MOB3B: variants seen among roughly 807,000 people sequenced by gnomAD.
MOB3B encodes MOB kinase activator 3B.
A neutral mutation model predicts 18.7 loss-of-function variants in MOB3B; 7 were observed. That is an observed-to-expected ratio of 0.37 (90% CI 0.21 to 0.70). MOB3B has a LOEUF of 0.70. Among genes scored for constraint, MOB3B ranks in the 30% least tolerant of loss-of-function variants. The probability of loss-of-function intolerance (pLI) is 0.52; values close to 1 mark genes in which losing one functional copy is unlikely to be tolerated. For synonymous variants in MOB3B, 111 were observed against 99.9 expected, an observed-to-expected ratio of 1.11 and a Z score of -0.66; for missense variants, 253 against 281.3, an observed-to-expected ratio of 0.90 and a Z score of 0.72.
At chr9:27,472,775 A>AGGT (rs1289473416) in intron 1 of MOB3B, among the ~76,000 whole-genome samples, 2 of 151,384 alleles carry the variant, frequency 1.3e-5, no homozygotes, top group Non-Finnish European at 3.0e-5. Context: ...TTTTGGAAAA[A>AGGT]GGTGGTGGAG....
intron 2 of MOB3B, among the ~76,000 whole-genome samples, chr9:27,363,840 C>T (rs1459002276): frequency 6.6e-6 from 1 of 152,162 alleles, no homozygotes; most frequent in Admixed American, 6.5e-5. Context: ...CTCCTGGGCC[C>T]AAGCAATCCT....
intron 3 of MOB3B, among the ~76,000 whole-genome samples, chr9:27,334,236 T>C (rs114121637): frequency 0.013 from 1,905 of 152,326 alleles, 21 homozygotes; most frequent in African/African-American, 0.044. Context: ...TCCAACATGA[T>C]AAATTTATCT....
chr9:27,377,458 T>A (rs1421026390), intron 2 of MOB3B, among the ~76,000 whole-genome samples: 1 of 150,786 alleles, frequency 6.6e-6, no homozygotes, highest in East Asian at 2.0e-4. Context: ...CTGCCAGGGG[T>A]GGGAGGAAGG....
chr9:27,450,466 T>C (rs1822766695), intron 2 of MOB3B, among the ~76,000 whole-genome samples: 1 of 152,102 alleles, frequency 6.6e-6, no homozygotes, highest in African/African-American at 2.4e-5. Context: ...TTACAGTACC[T>C]GGACACAGTC....
intron 1 of MOB3B, among the ~76,000 whole-genome samples, chr9:27,463,603 A>G (rs971915458): frequency 6.6e-6 from 1 of 152,192 alleles, no homozygotes; most frequent in Non-Finnish European, 1.5e-5. Flanking sequence ...AAATTCTGGC[A>G]ATGACTTTAG....
intron 2 of MOB3B, among the ~76,000 whole-genome samples, chr9:27,377,518 C>T (rs778092349): frequency 7.2e-5 from 11 of 152,266 alleles, no homozygotes; most frequent in African/African-American, 1.9e-4. Context: ...TGTTCTCAAA[C>T]GGGAGCCCTG....
At chr9:27,408,995 A>G (rs1405482032) in intron 2 of MOB3B, among the ~76,000 whole-genome samples, 1 of 152,212 alleles carries the variant, frequency 6.6e-6, no homozygotes, top group South Asian at 2.1e-4. Flanking sequence ...AGTGCTCACT[A>G]TGTGCCAACC....
rs1258534405 is a variant in MOB3B, at chr9:27,326,747, A to G, written c.*3840T>C. ...AAACGAACAATTTAAGAAGCAGGAA[A>G]TGACTCTAGATCAGTATTTCTCAAT... On this transcript the variant is annotated 3_prime_UTR_variant, in exon 4 of 4. Transcript: ENST00000262244. 2.5e-6 allele frequency: 1 copy of G among 396,450 alleles called. No individual in the cohort carries two copies. The highest frequency in any genetic ancestry group is 2.1e-5 in the African/African-American group (1 of 48,598). The allele number at this position is 396,450 out of a possible 1,614,324, so 24.6% of individuals were successfully genotyped here. A position where few individuals can be genotyped will look rare whatever the true frequency, so the allele number is the denominator to read the frequency against.
chr9:27,524,654 GA>G (rs760793273), intron 1 of MOB3B: 6 of 1,613,888 alleles, frequency 3.7e-6, no homozygotes, highest in Non-Finnish European at 5.1e-6. Flanking sequence ...TCAAATATTG[GA>G]AAGAGAGACA....
intron 2 of MOB3B, among the ~76,000 whole-genome samples, chr9:27,433,926 G>A (rs550437562): frequency 1.3e-5 from 2 of 152,226 alleles, no homozygotes; most frequent in South Asian, 4.2e-4. Context: ...AAAACCACTT[G>A]AGCCAACAGA....
intron 1 of MOB3B, among the ~76,000 whole-genome samples, chr9:27,492,743 T>C (rs1403475180): frequency 1.3e-5 from 2 of 152,176 alleles, no homozygotes; most frequent in Non-Finnish European, 2.9e-5. Flanking sequence ...AGCTGACAGA[T>C]AAAAAGAAAC....
chr9:27,522,038 C>T (rs1033449223), intron 1 of MOB3B, among the ~76,000 whole-genome samples: 2 of 151,572 alleles, frequency 1.3e-5, no homozygotes, highest in African/African-American at 2.4e-5. Context: ...GTCAGGAGAT[C>T]GAGACCGTCG....
At chr9:27,366,598 T>TG (rs973304195) in intron 2 of MOB3B, among the ~76,000 whole-genome samples, 7 of 152,300 alleles carry the variant, frequency 4.6e-5, no homozygotes, top group African/African-American at 1.7e-4. Context: ...TCCAGGAGAC[T>TG]GGGGGGTGGG....
chr9:27,494,259 G>A (rs996306212), intron 1 of MOB3B, among the ~76,000 whole-genome samples: 1 of 152,138 alleles, frequency 6.6e-6, no homozygotes, highest in Non-Finnish European at 1.5e-5. Flanking sequence ...TGGTCCTGTG[G>A]TCCTATGATC....
At chr9:27,483,781 A>T (rs542771112) in intron 1 of MOB3B, among the ~76,000 whole-genome samples, 4 of 152,300 alleles carry the variant, frequency 2.6e-5, no homozygotes, top group South Asian at 2.1e-4. Context: ...GGTCCCATGT[A>T]CAGCAGGAGG....
rs981366339 is a variant in MOB3B, at chr9:27,359,081, A to C, written c.574T>G (p.Phe192Val). Residue 192 changes from phenylalanine to valine, a missense_variant, in exon 3 of 4, where the codon TTT (phenylalanine) becomes GTT (valine). Coordinates refer to ENST00000262244, the MANE Select transcript of MOB3B (RefSeq NM_024761.5). ...TCTATGAGGTTCATCTCTGTGACAA[A>C]GTAATAGAAGTGTTTGTAGCAGGTG... is the stretch of plus-strand genomic sequence containing the variant. The part of the protein sequence containing the change: ...VNTCYKHFYY[F>V]VTEMNLIDRK... The C allele has an allele frequency of 6.2e-7, 1 of 1,614,018 alleles. No individual in the cohort carries two copies. The highest frequency in any genetic ancestry group is 1.7e-5 in the Admixed American group (1 of 59,982).
At chr9:27,417,127 G>A (rs1319018835) in intron 2 of MOB3B, among the ~76,000 whole-genome samples, 1 of 152,168 alleles carries the variant, frequency 6.6e-6, no homozygotes, top group Non-Finnish European at 1.5e-5. Context: ...ACTTTGGGAG[G>A]CCGAGGCAGG....
At chr9:27,492,167 G>T (rs1303231756) in intron 1 of MOB3B, among the ~76,000 whole-genome samples, 1 of 152,096 alleles carries the variant, frequency 6.6e-6, no homozygotes, top group African/African-American at 2.4e-5. Flanking sequence ...GAAAGTTGTG[G>T]AAAAATATGA....
chr9:27,344,732 T>C (rs1159102733), intron 3 of MOB3B, among the ~76,000 whole-genome samples: 1 of 152,260 alleles, frequency 6.6e-6, no homozygotes, highest in Non-Finnish European at 1.5e-5. Context: ...TGGTCTAATG[T>C]CTACTTTGAT....
Sources: allele counts gnomAD v4.1 joint callset (sites outside exome capture counted in the v4.1 genomes callset), GRCh38; gene constraint gnomAD v4.1.1; transcripts MANE v1.5; gene names NCBI Gene and HGNC (gene_info 2026-07-23, HGNC 2026-07-21).